Variants in TENM3 observed in about 807,000 individuals in gnomAD.
TENM3 encodes teneurin transmembrane protein 3.
In TENM3, 63 loss-of-function variants were observed where a neutral mutation model predicts 255.1. That is an observed-to-expected ratio of 0.25 (90% CI 0.20 to 0.30). TENM3 has a LOEUF of 0.30. Among genes scored for constraint, TENM3 ranks in the 10% least tolerant of loss-of-function variants. The pLI is 1.00. For synonymous variants in TENM3, 1,306 were observed against 1,322.3 expected (o/e 0.99, Z 0.27); for missense variants, 2,929 against 3,461.1 (o/e 0.85, Z 3.86).
intron 3 of TENM3, among the ~76,000 whole-genome samples, chr4:182,386,860 G>A (rs1008703537): frequency 2.6e-5 from 4 of 152,216 alleles, no homozygotes; most frequent in Non-Finnish European, 5.9e-5. Flanking sequence ...TGTGCAGCCC[G>A]AGCCTCCCCG....
chr4:182,738,583 T>G, intron 18 of TENM3, 39 bp downstream of exon 18: 1 of 1,541,552 alleles, frequency 6.5e-7, no homozygotes, highest in Non-Finnish European at 8.8e-7. Flanking sequence ...TTGTAATGTA[T>G]TGTTCAGAGA....
At chr4:182,444,883 C>G (rs530963430) in intron 3 of TENM3, among the ~76,000 whole-genome samples, 131 of 152,290 alleles carry the variant, frequency 8.6e-4, no homozygotes, top group Non-Finnish European at 1.5e-3. Context: ...TCACTGCAAC[C>G]TGCAACCTCC....
At chr4:182,250,652 T>C (rs1757954345) in intron 1 of TENM3, among the ~76,000 whole-genome samples, 1 of 152,208 alleles carries the variant, frequency 6.6e-6, no homozygotes, top group African/African-American at 2.4e-5. Context: ...TACGTGTGAA[T>C]GATTTCCAGC....
intron 3 of TENM3, among the ~76,000 whole-genome samples, chr4:182,591,286 CT>C (rs1280590346): frequency 1.3e-5 from 2 of 152,150 alleles, no homozygotes; most frequent in Non-Finnish European, 2.9e-5. Context: ...TAGATTCAGA[CT>C]TTGATTATTT....
intron 3 of TENM3, among the ~76,000 whole-genome samples, chr4:182,576,456 C>A: frequency 6.6e-6 from 1 of 152,094 alleles, no homozygotes; most frequent in East Asian, 1.9e-4. Flanking sequence ...ATAAGCCAGT[C>A]CTGTGTAGAG....
At chr4:182,254,963 A>G (rs1579913274) in intron 1 of TENM3, among the ~76,000 whole-genome samples, 1 of 152,206 alleles carries the variant, frequency 6.6e-6, no homozygotes. Context: ...CCATGTGTGT[A>G]TATTTAAATA....
At chr4:181,705,951 T>A in the TENM3 span, among the ~76,000 whole-genome samples, 271 of 152,220 alleles carry the variant, frequency 1.8e-3, 4 homozygotes, top group East Asian at 0.035. Context: ...CAAAACTCCA[T>A]CTAAAAAATA....
Position 182,743,187 on chromosome 4 carries a change from A to G in TENM3, c.3397A>G (p.Asn1133Asp). The stretch of plus-strand genomic sequence containing the variant: ...TCTTCTAGGTATACTGTACAAGGGA[A>G]ACGGGGAAAACCAGTTCATCTCCCA... ...DVQNGILYKG[N>D]GENQFISQQP... Residue 1133 changes from asparagine (N) to aspartate (D), a missense_variant, in exon 19 of 28, where the codon AAC becomes GAC. Coordinates refer to ENST00000511685, the MANE Select transcript of TENM3 (RefSeq NM_001080477.4). 6.2e-7 allele frequency: 1 copy of G among 1,613,054 alleles called. No homozygotes were observed.
chr4:182,745,679 T>C (rs1475848111), intron 19 of TENM3, among the ~76,000 whole-genome samples: 2 of 152,134 alleles, frequency 1.3e-5, no homozygotes, highest in Non-Finnish European at 2.9e-5. Flanking sequence ...AAATATGTTC[T>C]TTCCACGGCA....
At chr4:182,597,108 A>G (rs1747319775) in intron 3 of TENM3, among the ~76,000 whole-genome samples, 1 of 152,190 alleles carries the variant, frequency 6.6e-6, no homozygotes, top group Non-Finnish European at 1.5e-5. Flanking sequence ...TCTTTATGCA[A>G]AGACTTAAAA....
At chr4:182,220,669 T>C (rs1272024900) in intron 1 of TENM3, among the ~76,000 whole-genome samples, 3 of 152,194 alleles carry the variant, frequency 2.0e-5, no homozygotes, top group Non-Finnish European at 2.9e-5. Context: ...TTCTTATGGA[T>C]GGAAAGTTTA....
the TENM3 span, among the ~76,000 whole-genome samples, chr4:182,013,835 T>G: frequency 6.6e-6 from 1 of 151,318 alleles, no homozygotes; most frequent in South Asian, 2.1e-4. Context: ...ACTATAGAAC[T>G]ATAATTATTA....
intron 7 of TENM3, among the ~76,000 whole-genome samples, chr4:182,676,397 C>A (rs756008810): frequency 2.0e-5 from 3 of 152,162 alleles, no homozygotes; most frequent in African/African-American, 7.2e-5. Context: ...CCCTCACCAC[C>A]TTTTCACTGT....
chr4:181,452,455 TAGTG>T, the TENM3 span, among the ~76,000 whole-genome samples: 322 of 152,240 alleles, frequency 2.1e-3, 1 homozygote, highest in African/African-American at 7.2e-3. Context: ...GTTCTCATGA[TAGTG>T]AGTGAGTTCT....
intron 1 of TENM3, among the ~76,000 whole-genome samples, chr4:182,259,397 C>G (rs1181268261): frequency 7.9e-5 from 12 of 152,182 alleles, no homozygotes; most frequent in Admixed American, 7.9e-4. Context: ...ACTGCAGCCT[C>G]AACCTCTGGG....
chr4:181,518,840 C>G, the TENM3 span, among the ~76,000 whole-genome samples: 2 of 152,116 alleles, frequency 1.3e-5, no homozygotes, highest in Non-Finnish European at 2.9e-5. Context: ...TCTGTGGATC[C>G]AGCCACACTG....
intron 3 of TENM3, among the ~76,000 whole-genome samples, chr4:182,353,793 C>CT (rs1344897227): frequency 6.6e-6 from 1 of 151,976 alleles, no homozygotes; most frequent in Non-Finnish European, 1.5e-5. Context: ...TGGTGAAACC[C>CT]CATCTCTACT....
chr4:182,165,810 C>T (rs994325295), intron 1 of TENM3, among the ~76,000 whole-genome samples: 2 of 152,174 alleles, frequency 1.3e-5, no homozygotes, highest in African/African-American at 4.8e-5. Flanking sequence ...GAGTCTCGCT[C>T]TGTCATCCAG....
At chr4:182,635,811 G>A (rs1751796155) in intron 5 of TENM3, among the ~76,000 whole-genome samples, 1 of 152,118 alleles carries the variant, frequency 6.6e-6, no homozygotes, top group African/African-American at 2.4e-5. Context: ...GCAGTTATCT[G>A]TCCTACTTCT....
Sources: allele counts gnomAD v4.1 joint callset (sites outside exome capture counted in the v4.1 genomes callset), GRCh38; gene constraint gnomAD v4.1.1; transcripts MANE v1.5; gene names NCBI Gene and HGNC (gene_info 2026-07-23, HGNC 2026-07-21).